The following PRKN variants were observed in gnomAD, a reference collection of about 807,000 sequenced individuals.
PRKN encodes the protein parkin RBR E3 ubiquitin protein ligase, also known as E3 ubiquitin-protein ligase parkin.
Under a neutral mutation model 59.5 loss-of-function variants are expected in PRKN, and 56 were observed. The observed-to-expected ratio is 0.94, with a 90% CI of 0.76 to 1.18. The LOEUF (loss-of-function observed/expected upper bound fraction) is 1.18, where lower values mean the gene tolerates loss of function less well. Ranked by LOEUF, PRKN falls within the 50% of genes most tolerant of loss-of-function variation. The pLI is 0.00. For synonymous variants in PRKN, 250 were observed against 222.1 expected (o/e 1.13, Z -1.12); for missense variants, 657 against 596.4 (o/e 1.10, Z -1.06).
At chr6:162,727,553 C>T (rs1469847310) in intron 1 of PRKN, 109 bp downstream of exon 1, 34 of 1,228,122 alleles carry the variant, frequency 2.8e-5, no homozygotes, top group South Asian at 6.5e-5. Context: ...ACTTTGGCCC[C>T]GTCATTGACA....
intron 6 of PRKN, among the ~76,000 whole-genome samples, chr6:161,917,231 G>A (rs1308498206): frequency 6.6e-6 from 1 of 151,924 alleles, no homozygotes; most frequent in Non-Finnish European, 1.5e-5. Flanking sequence ...TCAGCCTCCC[G>A]AGTAGCTGGG....
At chr6:162,409,216 G>A (rs1788225789) in intron 2 of PRKN, among the ~76,000 whole-genome samples, 2 of 151,552 alleles carry the variant, frequency 1.3e-5, no homozygotes, top group Admixed American at 1.3e-4. Flanking sequence ...CCAGGCTGGA[G>A]TGCAGTGGCA....
chr6:161,706,592 G>A (rs1385620047), intron 7 of PRKN, among the ~76,000 whole-genome samples: 2 of 123,748 alleles, frequency 1.6e-5, no homozygotes, highest in Admixed American at 1.0e-4. Flanking sequence ...AGTATTCCAG[G>A]TGACTTTTTT....
At chr6:161,496,153 GA>G (rs1160689361) in intron 9 of PRKN, among the ~76,000 whole-genome samples, 1 of 152,192 alleles carries the variant, frequency 6.6e-6, no homozygotes, top group Non-Finnish European at 1.5e-5. Flanking sequence ...TGGGAATACA[GA>G]ATCTCTTTAG....
chr6:162,570,737 T>A (rs1398694838), intron 1 of PRKN, among the ~76,000 whole-genome samples: 1 of 152,118 alleles, frequency 6.6e-6, no homozygotes, highest in Non-Finnish European at 1.5e-5. Context: ...ATGTTCTCAC[T>A]TATTTGTGGA....
At chr6:162,671,193 C>T (rs1001782659) in intron 1 of PRKN, among the ~76,000 whole-genome samples, 8 of 152,056 alleles carry the variant, frequency 5.3e-5, no homozygotes, top group African/African-American at 1.9e-4. Context: ...TGAAAAATTA[C>T]TTATAGGCAT....
rs554374597 is a variant in PRKN, at chr6:162,454,829, G to A, written c.8-11356C>T. Among the ~76,000 whole-genome samples the A allele has an allele frequency of 2.6e-5, 4 of 152,354 alleles. No individual in the cohort carries two copies. In the East Asian group the frequency reaches 7.7e-4, roughly 29 times the overall value. ...GGTGGCTCTGGTGCACCACCACAGG[G>A]TGTTAAAGGAGCATGCCTTGAACAA... On this transcript the variant is annotated intron_variant, in intron 1 of 11. Coordinates refer to ENST00000366898, the MANE Select transcript of PRKN (RefSeq NM_004562.3).
intron 5 of PRKN, among the ~76,000 whole-genome samples, chr6:162,043,365 C>A (rs1784137710): frequency 6.6e-6 from 1 of 152,136 alleles, no homozygotes; most frequent in Non-Finnish European, 1.5e-5. Flanking sequence ...TAAGAAAAAT[C>A]TCCATATATA....
chr6:162,197,592 A>T (rs1209299261), intron 4 of PRKN, among the ~76,000 whole-genome samples: 1 of 152,200 alleles, frequency 6.6e-6, no homozygotes, highest in African/African-American at 2.4e-5. Flanking sequence ...AATACAAAGC[A>T]GATTTTTCAC....
At position 161,354,627 on chromosome 6, in the gene PRKN, C is replaced by T. The variant is rs1784682919; in HGVS notation, c.1286-4416G>A. Among the ~76,000 whole-genome samples the T allele has an allele frequency of 6.6e-6, 1 of 152,154 alleles. No individual in the cohort carries two copies. Among genetic ancestry groups the T allele is most frequent in the African/African-American group, 2.4e-5 (1 of 41,428 alleles). ...TTAAAATGGAAATTCCTCGCATTCT[C>T]ATTTCAGCTTCTCTGAGGGAGGAAG... On this transcript the variant is annotated intron_variant, in intron 11 of 11. Transcript: ENST00000366898. This position sits in a 1 kb window ranked among gnomAD's most constrained non-coding sequence, Gnocchi z 6.7.
chr6:162,001,501 T>C (rs1782054761), intron 5 of PRKN, among the ~76,000 whole-genome samples: 1 of 148,614 alleles, frequency 6.7e-6, no homozygotes, highest in Admixed American at 6.9e-5. Context: ...ATTAAACCTG[T>C]ATCCTGCAAC....
intron 6 of PRKN, among the ~76,000 whole-genome samples, chr6:161,833,714 T>C (rs1792613665): frequency 6.6e-6 from 1 of 152,128 alleles, no homozygotes. Flanking sequence ...AGCTTCTGCC[T>C]CACTGTATGG....
At chr6:161,857,234 A>T (rs1251405403) in intron 6 of PRKN, among the ~76,000 whole-genome samples, 3 of 152,192 alleles carry the variant, frequency 2.0e-5, no homozygotes, top group Non-Finnish European at 4.4e-5. Flanking sequence ...GCCTCAAAAA[A>T]TAAGAAGAAT....
chr6:161,640,708 G>GGT (rs1783708010), intron 7 of PRKN, among the ~76,000 whole-genome samples: 1 of 152,158 alleles, frequency 6.6e-6, no homozygotes, highest in Admixed American at 6.5e-5. Flanking sequence ...ACCAAGTGAA[G>GGT]GGAAACTATT....
intron 9 of PRKN, among the ~76,000 whole-genome samples, chr6:161,512,075 T>C (rs1272004248): frequency 6.6e-6 from 1 of 152,166 alleles, no homozygotes; most frequent in Non-Finnish European, 1.5e-5. Flanking sequence ...AATTATACAG[T>C]AGCTTGATGG....
chr6:162,038,408 C>T (rs1330347266), intron 5 of PRKN, among the ~76,000 whole-genome samples: 1 of 152,080 alleles, frequency 6.6e-6, no homozygotes, highest in Non-Finnish European at 1.5e-5. Context: ...TTTATTGATC[C>T]CTTACAATGA....
intron 1 of PRKN, among the ~76,000 whole-genome samples, chr6:162,445,712 A>G (rs1333893163): frequency 1.4e-5 from 2 of 147,136 alleles, no homozygotes; most frequent in African/African-American, 2.5e-5. Context: ...AAAAAAAAAA[A>G]AAAAAAAAAA....
chr6:162,526,864 G>A (rs1280002738), intron 1 of PRKN, among the ~76,000 whole-genome samples: 3 of 152,132 alleles, frequency 2.0e-5, no homozygotes, highest in Non-Finnish European at 2.9e-5. Context: ...TGTATGGCAC[G>A]TGGCTAATAA....
rs553675371 is a variant in PRKN at position 162,274,153 on chromosome 6, T to TTTAATTAA, written c.172-11396_172-11389dup. ...GAATGTATATTATATCTTCTTGTAA[T>TTTAATTAA]TTAATTAATTAATTTATTAATTTAT... On this transcript the variant is annotated intron_variant, in intron 2 of 11. Transcript: ENST00000366898. Among the ~76,000 whole-genome samples the TTTAATTAA allele has an allele frequency of 1.7e-4, 26 of 150,778 alleles. No individual in the cohort carries two copies. The South Asian group carries it at 5.0e-3, about 29-fold the overall frequency.
Sources: gnomAD v4.1 joint callset for allele counts (sites outside exome capture counted in the v4.1 genomes callset) on GRCh38, gnomAD v4.1.1 for gene constraint, Gnocchi (gnomAD v3.1) non-coding constraint, MANE v1.5 for transcripts, NCBI Gene and HGNC (gene_info 2026-07-23, HGNC 2026-07-21) for gene names.